Variants in OPCML observed in about 807,000 individuals in gnomAD.
OPCML encodes the protein opioid-binding protein/cell adhesion molecule.
OPCML carries 13 observed loss-of-function variants against 37.8 expected under a neutral mutation model. That is an observed-to-expected ratio of 0.34 (90% CI 0.22 to 0.55). OPCML has a LOEUF of 0.55. Ranked by LOEUF, OPCML falls within the 20% of genes least tolerant of loss-of-function variation. The pLI is 0.91. For missense variants in OPCML, 341 were observed against 435.6 expected, an observed-to-expected ratio of 0.78 and a Z score of 1.93; for synonymous variants, 176 against 168.8, an observed-to-expected ratio of 1.04 and a Z score of -0.33.
intron 1 of OPCML, among the ~76,000 whole-genome samples, chr11:133,495,610 G>C (rs1055384716): frequency 1.3e-5 from 2 of 152,136 alleles, no homozygotes; most frequent in African/African-American, 2.4e-5. Flanking sequence ...CAAAAGTAAG[G>C]TGGTATCGCA....
In OPCML at chr11:133,127,392, G is replaced by A. The variant is rs140293012; in HGVS notation, c.62-184382C>T. On this transcript the variant is annotated intron_variant, in intron 1 of 7. Transcript: ENST00000524381. Reference sequence around the variant, plus strand: ...CATGCTGGTCATCTCCCAGCTACTCGGGAGGCTGAAGCAGGAGCATCGCTT... The same window carrying A: ...CATGCTGGTCATCTCCCAGCTACTCAGGAGGCTGAAGCAGGAGCATCGCTT... Among the ~76,000 whole-genome samples the A allele has an allele frequency of 1.4e-3, 217 of 152,124 alleles. 4 individuals are homozygous for A. The highest frequency in any genetic ancestry group is 4.9e-3 in the African/African-American group (205 of 41,518).
chr11:133,412,290 A>C (rs1370025499), intron 1 of OPCML, among the ~76,000 whole-genome samples: 1 of 152,186 alleles, frequency 6.6e-6, no homozygotes, highest in Non-Finnish European at 1.5e-5. Context: ...GCTGTCCCAC[A>C]GTGAGGCCAG....
chr11:133,215,050 G>T (rs1939525613), intron 1 of OPCML, among the ~76,000 whole-genome samples: 1 of 152,318 alleles, frequency 6.6e-6, no homozygotes, highest in East Asian at 1.9e-4. Context: ...ACTTGCCATA[G>T]TCACAAATAT....
intron 1 of OPCML, among the ~76,000 whole-genome samples, chr11:133,221,402 G>A (rs898046656): frequency 6.6e-6 from 1 of 152,218 alleles, no homozygotes; most frequent in Non-Finnish European, 1.5e-5. Context: ...AAGTCGCTTG[G>A]TCTGAGACTC....
chr11:132,436,947 G>C (rs1377760151), intron 5 of OPCML, 168 bp from the exon 6 acceptor site: 1 of 978,534 alleles, frequency 1.0e-6, no homozygotes, highest in Non-Finnish European at 1.2e-6. Flanking sequence ...AAAATAAGCT[G>C]CTTGAAGATA....
chr11:133,282,271 T>C (rs1284049359), intron 1 of OPCML, among the ~76,000 whole-genome samples: 1 of 152,180 alleles, frequency 6.6e-6, no homozygotes, highest in Non-Finnish European at 1.5e-5. Context: ...GACCCCACTG[T>C]CCTGAGCAAT....
chr11:133,004,832 GTCAGT>G, intron 1 of OPCML: 1 of 985,390 alleles, frequency 1.0e-6, no homozygotes, highest in Non-Finnish European at 1.2e-6. Flanking sequence ...ATCTACGGGA[GTCAGT>G]TCAAACACCA....
At chr11:132,541,548 T>G (rs1166736002) in intron 3 of OPCML, among the ~76,000 whole-genome samples, 1 of 151,988 alleles carries the variant, frequency 6.6e-6, no homozygotes, top group Non-Finnish European at 1.5e-5. Context: ...CAACTCTCAT[T>G]TATTGAGAAC....
At chr11:132,794,771 A>G (rs1423518043) in intron 2 of OPCML, among the ~76,000 whole-genome samples, 1 of 152,174 alleles carries the variant, frequency 6.6e-6, no homozygotes, top group Non-Finnish European at 1.5e-5. Flanking sequence ...CTAGAAACAT[A>G]ATAAATGCCA....
At chr11:133,072,274 A>G (rs551019557) in intron 1 of OPCML, among the ~76,000 whole-genome samples, 1 of 152,360 alleles carries the variant, frequency 6.6e-6, no homozygotes, top group East Asian at 1.9e-4. Flanking sequence ...TGGCATGTGA[A>G]TTATATCTCA....
intron 1 of OPCML, among the ~76,000 whole-genome samples, chr11:133,039,819 G>A (rs1011904936): frequency 5.9e-5 from 9 of 152,124 alleles, no homozygotes; most frequent in African/African-American, 1.9e-4. Context: ...CACGAGGTCA[G>A]GAGTTTGAGA....
At chr11:133,447,373 T>C (rs879723871) in intron 1 of OPCML, among the ~76,000 whole-genome samples, 17 of 152,216 alleles carry the variant, frequency 1.1e-4, no homozygotes, top group Non-Finnish European at 2.9e-5. Context: ...TTTTAATAAA[T>C]TTAACTTTTA....
intron 1 of OPCML, among the ~76,000 whole-genome samples, chr11:133,364,807 G>A (rs1040264751): frequency 6.6e-6 from 1 of 152,000 alleles, no homozygotes; most frequent in Admixed American, 6.6e-5. Flanking sequence ...AAAGCGGATT[G>A]GACCCTCTGA....
chr11:132,989,042 A>G (rs1265690529), intron 1 of OPCML, among the ~76,000 whole-genome samples: 2 of 152,226 alleles, frequency 1.3e-5, no homozygotes, highest in Non-Finnish European at 2.9e-5. Context: ...ATTACTAAGT[A>G]TTGGAGAAGC....
intron 1 of OPCML, among the ~76,000 whole-genome samples, chr11:133,016,213 C>T (rs1406466342): frequency 6.6e-6 from 1 of 152,208 alleles, no homozygotes; most frequent in Non-Finnish European, 1.5e-5. Flanking sequence ...CGGCTAGGTT[C>T]TCTGTTTTGG....
intron 1 of OPCML, among the ~76,000 whole-genome samples, chr11:133,232,149 C>G (rs1430108487): frequency 6.6e-6 from 1 of 152,052 alleles, no homozygotes; most frequent in African/African-American, 2.4e-5. Flanking sequence ...CCCAGACAGA[C>G]CAAAGGCTTT....
At chr11:133,426,699 G>A (rs1041985188) in intron 1 of OPCML, among the ~76,000 whole-genome samples, 1 of 152,204 alleles carries the variant, frequency 6.6e-6, no homozygotes, top group Non-Finnish European at 1.5e-5. Context: ...CGAGAGAGCA[G>A]ACGCCAATGG....
chr11:132,523,345 A>G (rs1455278678), intron 4 of OPCML, among the ~76,000 whole-genome samples: 3 of 152,194 alleles, frequency 2.0e-5, no homozygotes, highest in African/African-American at 7.2e-5. Context: ...TCATCCTCAT[A>G]TATCTAGAAC....
At chr11:132,611,885 A>G (rs1452814023) in intron 3 of OPCML, among the ~76,000 whole-genome samples, 1 of 152,168 alleles carries the variant, frequency 6.6e-6, no homozygotes, top group Non-Finnish European at 1.5e-5. Flanking sequence ...GGACAGTCCC[A>G]GGCAAACCTT....
Sources: allele counts gnomAD v4.1 joint callset (sites outside exome capture counted in the v4.1 genomes callset), GRCh38; gene constraint gnomAD v4.1.1; transcripts MANE v1.5; gene names NCBI Gene and HGNC (gene_info 2026-07-23, HGNC 2026-07-21).